Variants in IL36B observed in about 807,000 individuals in gnomAD.
IL36B encodes interleukin 36 beta, also known as interleukin-36 beta.
IL36B carries 23 observed loss-of-function variants against 19.3 expected under a neutral mutation model. That is an observed-to-expected ratio of 1.19 (90% confidence interval 0.86 to 1.69). IL36B has a LOEUF of 1.69. Among genes scored for constraint, IL36B ranks in the 40% most tolerant of loss-of-function variants. IL36B has a pLI of 0.00. For missense variants in IL36B, 217 were observed against 200.5 expected, an observed-to-expected ratio of 1.08 and a Z score of -0.50; for synonymous variants, 59 against 59.7, an observed-to-expected ratio of 0.99 and a Z score of 0.05.
At chr2:113,050,736 A>G (rs1413588442) in intron 1 of IL36B, among the ~76,000 whole-genome samples, 2 of 152,256 alleles carry the variant, frequency 1.3e-5, no homozygotes, top group South Asian at 4.1e-4. Context: ...ATAATAATAA[A>G]AAAAGATAGT....
rs1183783427 is a variant in IL36B at position 113,024,898 on chromosome 2, T to A, written c.391+1205A>T. 2.6e-5 allele frequency among the ~76,000 whole-genome samples: 4 copies of A among 152,248 alleles called. No homozygotes were observed. The East Asian group carries it at 7.7e-4, about 29-fold the overall frequency. ...ATGTACTACGTATCCAAGTACATTG[T>A]TGCAAGTCTCTCATGGCCATCCTTG... On this transcript the variant is annotated intron_variant, in intron 5 of 5. Coordinates refer to ENST00000259213, the MANE Select transcript of IL36B (RefSeq NM_014438.5).
At chr2:113,032,100 G>A (rs1040183509) in intron 1 of IL36B, among the ~76,000 whole-genome samples, 2 of 151,110 alleles carry the variant, frequency 1.3e-5, no homozygotes, top group African/African-American at 4.9e-5. Flanking sequence ...TGGGTTGAGA[G>A]GAAGGAGGGA....
chr2:113,049,263 AC>A (rs1278477667), intron 1 of IL36B, among the ~76,000 whole-genome samples: 1 of 152,238 alleles, frequency 6.6e-6, no homozygotes. Flanking sequence ...AAAATAGGCA[AC>A]AAAAGCAACA....
intron 1 of IL36B, among the ~76,000 whole-genome samples, chr2:113,035,880 T>C (rs1335445773): frequency 3.9e-5 from 6 of 152,208 alleles, no homozygotes; most frequent in Non-Finnish European, 8.8e-5. Flanking sequence ...AGTGGTTGCC[T>C]CAGGAGAGTA....
intron 5 of IL36B, among the ~76,000 whole-genome samples, chr2:113,024,840 C>T (rs2105038646): frequency 6.6e-6 from 1 of 152,342 alleles, no homozygotes; most frequent in East Asian, 1.9e-4. Flanking sequence ...ATTTACAGAA[C>T]TCACATTCTT....
Position 113,042,084 on chromosome 2 carries a change from G to A in IL36B, c.-57-10318C>T, listed in dbSNP as rs573194525. On this transcript the variant is annotated intron_variant, in intron 1 of 5. Coordinates refer to ENST00000259213, the MANE Select transcript of IL36B (RefSeq NM_014438.5). The stretch of plus-strand genomic sequence containing the variant: ...CTCATAAGGACAACCACTAGGAGGT[G>A]CCTCTGACACCAGCCATGGGTTTCA... 3.3e-5 allele frequency among the ~76,000 whole-genome samples: 5 copies of A among 152,288 alleles called. No homozygotes were observed. The South Asian group carries it at 6.2e-4, about 19-fold the overall frequency.
chr2:113,051,921 G>T (rs1685453300), intron 1 of IL36B, among the ~76,000 whole-genome samples: 1 of 151,054 alleles, frequency 6.6e-6, no homozygotes, highest in East Asian at 1.9e-4. Flanking sequence ...CACCAACTCT[G>T]TTGGTTTCTA....
chr2:113,047,354 G>T (rs947791390), intron 1 of IL36B, among the ~76,000 whole-genome samples: 1 of 152,156 alleles, frequency 6.6e-6, no homozygotes, highest in East Asian at 1.9e-4. Context: ...CATTTCTTAC[G>T]AGCATGACTT....
At chr2:113,025,068 A>G (rs2105038801) in intron 5 of IL36B, among the ~76,000 whole-genome samples, 1 of 152,284 alleles carries the variant, frequency 6.6e-6, no homozygotes, top group Non-Finnish European at 1.5e-5. Flanking sequence ...GCAAACCCTC[A>G]GACTGTGCAC....
intron 1 of IL36B, among the ~76,000 whole-genome samples, chr2:113,046,704 A>G (rs1228724699): frequency 1.3e-5 from 2 of 152,146 alleles, no homozygotes; most frequent in Non-Finnish European, 2.9e-5. Flanking sequence ...GACTAGGGTT[A>G]TGGGTTTGGG....
chr2:113,026,326 G>T lies in IL36B; in HGVS notation c.262-94C>A, dbSNP rs1488080237. The T allele has an allele frequency of 3.8e-6, 6 of 1,564,484 alleles. No individual in the cohort carries two copies. The Admixed American group carries it at 7.3e-5, about 19-fold the overall frequency. On this transcript the variant is annotated intron_variant, in intron 4 of 5. Coordinates refer to ENST00000259213, the MANE Select transcript of IL36B (RefSeq NM_014438.5). ...TGCACGGCAATGACTGGAGTAAAAG[G>T]CCTGCATACAGCATGTAAGGTGGGG...
intron 1 of IL36B, among the ~76,000 whole-genome samples, chr2:113,050,888 C>A (rs1312573866): frequency 6.6e-6 from 1 of 152,170 alleles, no homozygotes; most frequent in African/African-American, 2.4e-5. Context: ...GTGAGGGCTG[C>A]AGATCCTTGT....
Position 113,029,005 on chromosome 2 carries a change from TC to T in IL36B, c.194del (p.Gly65GlufsTer31). 1 of 1,614,086 alleles carries T rather than the reference TC, an allele frequency of 6.2e-7. No individual in the cohort carries two copies. ...AGAGACAGAGATCTTTTCCCTTGAT[TC>T]CCAGGTAAACCATATTACCCTTTTC... On this transcript the variant is annotated frameshift_variant, in exon 4 of 6. Transcript: ENST00000259213. LOFTEE classifies it high-confidence loss of function.
chr2:113,028,559 T>C lies in IL36B; in HGVS notation c.261+380A>G, dbSNP rs540007338. On this transcript the variant is annotated intron_variant, in intron 4 of 5. Transcript: ENST00000259213. ...TTATGTGTTTATGGTACACAGACCA[T>C]AACCACATTCAAAATCTTTTTGTCT... Among the ~76,000 whole-genome samples, 126 of 152,360 alleles carry C rather than the reference T, an allele frequency of 8.3e-4. 1 individual carries two copies. The highest frequency in any genetic ancestry group is 7.8e-3 in the Admixed American group (119 of 15,306).
chr2:113,037,811 T>A (rs1685188694), intron 1 of IL36B, among the ~76,000 whole-genome samples: 1 of 152,256 alleles, frequency 6.6e-6, no homozygotes, highest in Non-Finnish European at 1.5e-5. Context: ...TTGGCCTTAA[T>A]AACCATCAGA....
At chr2:113,027,587 A>G in intron 4 of IL36B, 1 of 1,140,228 alleles carries the variant, frequency 8.8e-7, no homozygotes, top group Non-Finnish European at 1.1e-6. Flanking sequence ...CAAAAGGAAT[A>G]GGAATGGAAG....
At chr2:113,028,875 C>T (rs1685013319) in intron 4 of IL36B, 64 bp downstream of exon 4, 2 of 1,525,186 alleles carry the variant, frequency 1.3e-6, no homozygotes, top group East Asian at 2.3e-5. Flanking sequence ...TATTCAGTAA[C>T]ATAGTAAATG....
intron 1 of IL36B, among the ~76,000 whole-genome samples, chr2:113,034,410 C>T (rs951540093): frequency 6.6e-6 from 1 of 152,228 alleles, no homozygotes; most frequent in African/African-American, 2.4e-5. Flanking sequence ...CACCCATGTC[C>T]TAGCCCCTTA....
intron 1 of IL36B, among the ~76,000 whole-genome samples, chr2:113,032,366 T>C (rs1444777432): frequency 6.6e-6 from 1 of 152,178 alleles, no homozygotes; most frequent in African/African-American, 2.4e-5. Context: ...TTAGGGATCA[T>C]CTGCCTCTGG....
Sources: gnomAD v4.1 joint callset for allele counts (sites outside exome capture counted in the v4.1 genomes callset) on GRCh38, gnomAD v4.1.1 for gene constraint, MANE v1.5 for transcripts, NCBI Gene and HGNC (gene_info 2026-07-23, HGNC 2026-07-21) for gene names.